The following FAM193A variants were observed in gnomAD, a reference collection of about 807,000 sequenced individuals.
FAM193A encodes the protein protein FAM193A.
FAM193A carries 22 observed loss-of-function variants against 126.5 expected under a neutral mutation model. The ratio of observed to expected loss-of-function variants is 0.17; its 90% CI spans 0.12 to 0.25. The LOEUF (loss-of-function observed/expected upper bound fraction) is 0.25. Among genes scored for constraint, FAM193A ranks in the 10% least tolerant of loss-of-function variants. FAM193A has a pLI of 1.00. For missense variants in FAM193A, 1,675 were observed against 1,672.8 expected (o/e 1.00, Z -0.02); for synonymous variants, 761 against 646.8 (o/e 1.18, Z -2.68).
At chr4:2,536,038 A>G (rs929419013), upstream of FAM193A, among the ~76,000 whole-genome samples, 3 of 152,086 alleles carry the variant, frequency 2.0e-5, no homozygotes, top group South Asian at 6.2e-4. Flanking sequence ...CATCTGGACC[A>G]GAACTAGACT....
At position 2,631,097 on chromosome 4, in the gene FAM193A, C is replaced by T; in HGVS notation, c.966C>T (p.Ile322=). The change falls in exon 5 of 21, where the codon ATC becomes ATT. Residue 322 remains isoleucine, a synonymous_variant. Transcript: ENST00000637812. ...LQGPPQAHQF[I]SLLLEEYGAL... is the part of the protein sequence containing the mutation. ...GCCCGCCGCAAGCGCACCAGTTCAT[C>T]TCCCTCCTGCTTGAGGAGTACGGCG... The T allele has an allele frequency of 1.2e-6, 2 of 1,613,904 alleles. No homozygotes were observed. The highest frequency in any genetic ancestry group is 8.5e-7 in the Non-Finnish European group (1 of 1,179,982).
chr4:2,613,594 C>G (rs1019389993), intron 2 of FAM193A, among the ~76,000 whole-genome samples: 1 of 151,712 alleles, frequency 6.6e-6, no homozygotes, highest in Non-Finnish European at 1.5e-5. Flanking sequence ...GCTGGGATTA[C>G]AGTCATGTGC....
chr4:2,602,785 C>G (rs1199610476), intron 2 of FAM193A, among the ~76,000 whole-genome samples: 2 of 143,068 alleles, frequency 1.4e-5, no homozygotes, highest in Non-Finnish European at 3.1e-5. Flanking sequence ...CTCAGCCTCC[C>G]AAGTAGCTGG....
At chr4:2,586,504 A>G (rs950381060) in intron 1 of FAM193A, among the ~76,000 whole-genome samples, 1 of 151,948 alleles carries the variant, frequency 6.6e-6, no homozygotes, top group African/African-American at 2.4e-5. Flanking sequence ...TTTCCATAGT[A>G]TTGTAGAATG....
chr4:2,620,791 A>C (rs1332604430), intron 2 of FAM193A, among the ~76,000 whole-genome samples: 1 of 145,642 alleles, frequency 6.9e-6, no homozygotes, highest in African/African-American at 2.6e-5. Flanking sequence ...AGCCGATATC[A>C]CAGCATTGCA....
At chr4:2,545,033 C>G (rs1560431528) in intron 1 of FAM193A, among the ~76,000 whole-genome samples, 2 of 152,106 alleles carry the variant, frequency 1.3e-5, no homozygotes, top group East Asian at 3.9e-4. Flanking sequence ...CCCTCTGTCA[C>G]CCAGGCTGGA....
At chr4:2,667,616 C>A (rs945327638) in intron 12 of FAM193A, among the ~76,000 whole-genome samples, 21 of 152,152 alleles carry the variant, frequency 1.4e-4, no homozygotes, top group African/African-American at 4.6e-4. Context: ...GCCACTCCAC[C>A]TTCTTGGGTT....
intron 1 of FAM193A, among the ~76,000 whole-genome samples, chr4:2,545,387 G>A (rs1737484076): frequency 7.4e-6 from 1 of 134,564 alleles, no homozygotes; most frequent in African/African-American, 2.5e-5. Context: ...TCCTAGCAGT[G>A]GATCATTTTT....
At position 2,716,110 on chromosome 4, in the gene FAM193A, T is replaced by C; in HGVS notation, c.4454+6T>C. 2 of 1,565,778 alleles carry C rather than the reference T, an allele frequency of 1.3e-6. No homozygotes were observed. Among genetic ancestry groups the C allele is most frequent in the Non-Finnish European group, 1.8e-6 (2 of 1,135,816 alleles). ...GAAGTGGAATATTTCAAAAGGTAAA[T>C]GTGGAGGCTGTGTCTGAAACCGTGG... On this transcript the variant is annotated splice_donor_region_variant and intron_variant, in intron 20 of 20. Transcript: ENST00000637812.
chr4:2,593,986 G>A (rs1188730609), intron 1 of FAM193A, among the ~76,000 whole-genome samples: 2 of 152,160 alleles, frequency 1.3e-5, no homozygotes, highest in Admixed American at 6.5e-5. Flanking sequence ...GACACTGTGG[G>A]GAGGTAGGAC....
chr4:2,593,634 A>G (rs549164841), intron 1 of FAM193A, among the ~76,000 whole-genome samples: 2 of 152,292 alleles, frequency 1.3e-5, no homozygotes, highest in East Asian at 3.9e-4. Context: ...TAAATCCTGG[A>G]TGACTGGTGA....
intron 12 of FAM193A, among the ~76,000 whole-genome samples, chr4:2,670,251 C>G (rs1219710685): frequency 6.6e-6 from 1 of 152,096 alleles, no homozygotes; most frequent in African/African-American, 2.4e-5. Context: ...AGCTATTGTA[C>G]TCTTCACCTA....
intron 12 of FAM193A, among the ~76,000 whole-genome samples, chr4:2,667,192 A>G (rs1487607644): frequency 2.0e-5 from 3 of 152,214 alleles, no homozygotes; most frequent in East Asian, 1.9e-4. Flanking sequence ...GGTTGATGGC[A>G]TTCTTCAAGT....
chr4:2,554,904 A>G (rs1265547226), intron 1 of FAM193A, among the ~76,000 whole-genome samples: 2 of 152,168 alleles, frequency 1.3e-5, no homozygotes, highest in Admixed American at 6.6e-5. Context: ...CTTTCTGCTA[A>G]TTAATATTGG....
At chr4:2,627,491 G>A (rs1236562203) in intron 4 of FAM193A, among the ~76,000 whole-genome samples, 2 of 145,870 alleles carry the variant, frequency 1.4e-5, no homozygotes, top group Non-Finnish European at 3.0e-5. Context: ...TCAAATGAAA[G>A]CAACTTATTT....
chr4:2,556,483 C>T (rs980980397), intron 1 of FAM193A, among the ~76,000 whole-genome samples: 6 of 152,128 alleles, frequency 3.9e-5, no homozygotes, highest in African/African-American at 9.7e-5. Context: ...GGATTACAGG[C>T]GTGAGCCACC....
At chr4:2,726,510 G>T (rs544626570) in intron 20 of FAM193A, among the ~76,000 whole-genome samples, 1 of 152,146 alleles carries the variant, frequency 6.6e-6, no homozygotes, top group African/African-American at 2.4e-5. Context: ...ATGGGATCCG[G>T]GTCCCGGTAC....
At chr4:2,593,415 G>A (rs565824084) in intron 1 of FAM193A, among the ~76,000 whole-genome samples, 82 of 152,200 alleles carry the variant, frequency 5.4e-4, no homozygotes, top group Non-Finnish European at 1.1e-3. Flanking sequence ...CAGCCATGTC[G>A]GCTTCGGGGG....
chr4:2,686,827 C>T (rs1715794125), intron 13 of FAM193A, among the ~76,000 whole-genome samples: 2 of 152,230 alleles, frequency 1.3e-5, no homozygotes, highest in African/African-American at 4.8e-5. Context: ...CTGCCTTTTA[C>T]AAGAAGGTCC....
Sources: allele counts gnomAD v4.1 joint callset (sites outside exome capture counted in the v4.1 genomes callset), GRCh38; gene constraint gnomAD v4.1.1; transcripts MANE v1.5; gene names NCBI Gene and HGNC (gene_info 2026-07-23, HGNC 2026-07-21).